TRAPPC3L: variants seen among roughly 807,000 people sequenced by gnomAD.
TRAPPC3L encodes trafficking protein particle complex subunit 3L, also known as trafficking protein particle complex subunit 3-like protein.
TRAPPC3L carries 23 observed loss-of-function variants against 23.7 expected under a neutral mutation model. The ratio of observed to expected loss-of-function variants is 0.97; its 90% confidence interval spans 0.70 to 1.37. TRAPPC3L has a LOEUF of 1.37. Ranked by LOEUF, TRAPPC3L falls within the 40% of genes most tolerant of loss-of-function variation. The pLI is 0.00. For missense variants in TRAPPC3L, 212 were observed against 216.8 expected, an observed-to-expected ratio of 0.98 and a Z score of 0.14; for synonymous variants, 81 against 77.9, an observed-to-expected ratio of 1.04 and a Z score of -0.21.
intron 3 of TRAPPC3L, among the ~76,000 whole-genome samples, chr6:116,509,165 C>CT (rs1772062823): frequency 6.8e-6 from 1 of 147,480 alleles, no homozygotes; most frequent in Non-Finnish European, 1.5e-5. Flanking sequence ...ATAAGGAGAA[C>CT]TATAAAATGC....
At chr6:116,499,271 G>A (rs1771877523) in intron 4 of TRAPPC3L, among the ~76,000 whole-genome samples, 1 of 152,014 alleles carries the variant, frequency 6.6e-6, no homozygotes, top group African/African-American at 2.4e-5. Flanking sequence ...TGTTCAAATG[G>A]TCTTCCTCTC....
chr6:116,531,827 G>GA (rs1388564372), intron 3 of TRAPPC3L, among the ~76,000 whole-genome samples: 3 of 149,466 alleles, frequency 2.0e-5, no homozygotes, highest in Non-Finnish European at 4.5e-5. Context: ...ATAAATAATG[G>GA]AAAAAACAAT....
At chr6:116,513,089 A>G (rs1229880010) in intron 3 of TRAPPC3L, among the ~76,000 whole-genome samples, 1 of 152,208 alleles carries the variant, frequency 6.6e-6, no homozygotes, top group Non-Finnish European at 1.5e-5. Flanking sequence ...TCCCAAAAGC[A>G]AAACAAGTGG....
chr6:116,529,982 GA>G (rs1278970693), intron 3 of TRAPPC3L, among the ~76,000 whole-genome samples: 1 of 151,674 alleles, frequency 6.6e-6, no homozygotes, highest in Admixed American at 6.6e-5. Flanking sequence ...CAGAGGACAG[GA>G]AAAAAAATGC....
At chr6:116,517,415 A>G (rs1406981589) in intron 3 of TRAPPC3L, 1 of 152,210 alleles carries the variant, frequency 6.6e-6, no homozygotes, top group Non-Finnish European at 1.5e-5. Context: ...ATATATGTAC[A>G]TAAATTCTCC....
rs1355137850 is a variant in TRAPPC3L, at chr6:116,496,657, G to A, written c.*297C>T. On this transcript the variant is annotated 3_prime_UTR_variant, in exon 5 of 5. Transcript: ENST00000368602. ...GCTTTTTTTTCCCATTACCATACGT[G>A]AATGGAATGAACAGCTTCTCTGAGG... 3 of 258,980 alleles carry A rather than the reference G, an allele frequency of 1.2e-5. No homozygotes were observed. The highest frequency in any genetic ancestry group is 1.2e-3 in the Middle Eastern group (1 of 858). 16.0% of individuals were successfully genotyped at this position (258,980 alleles called of 1,614,324 possible). A position where few individuals can be genotyped will look rare whatever the true frequency, so the allele number is the denominator to read the frequency against.
Position 116,543,329 on chromosome 6 carries a change from T to G in TRAPPC3L, c.114A>C (p.Glu38Asp). ...AQLCKDYEKD[E>D]DVNQYLDKMG... Reference sequence around the variant, plus strand: ...TTTTATCTAAATATTGGTTCACATCTTCATCCTTCTCATAATCCTTACACA... The same window carrying G: ...TTTTATCTAAATATTGGTTCACATCGTCATCCTTCTCATAATCCTTACACA... Residue 38 changes from glutamate to aspartate, a missense_variant, in exon 2 of 5, where the codon GAA becomes GAC. Physicochemically the swap from Glu to Asp is conservative, Grantham distance 45. Coordinates refer to ENST00000368602, the MANE Select transcript of TRAPPC3L (RefSeq NM_001139444.3). The G allele has an allele frequency of 6.5e-7, 1 of 1,549,598 alleles. No individual in the cohort carries two copies.
intron 3 of TRAPPC3L, chr6:116,512,320 G>T: frequency 7.2e-7 from 1 of 1,393,316 alleles, no homozygotes; most frequent in Non-Finnish European, 9.7e-7. Flanking sequence ...GGCTGTCTGT[G>T]TCCTGTCAGA....
chr6:116,537,984 C>T (rs567634222), intron 3 of TRAPPC3L, among the ~76,000 whole-genome samples: 68 of 152,258 alleles, frequency 4.5e-4, no homozygotes, highest in African/African-American at 1.6e-3. Context: ...CCACAGGTAA[C>T]AAGAAAGTTT....
intron 3 of TRAPPC3L, among the ~76,000 whole-genome samples, chr6:116,507,772 G>A (rs374756068): frequency 1.3e-5 from 2 of 151,314 alleles, no homozygotes; most frequent in East Asian, 2.0e-4. Context: ...GGTGGGAGGC[G>A]CATAAATGAA....
intron 4 of TRAPPC3L, among the ~76,000 whole-genome samples, chr6:116,497,750 T>C (rs896538956): frequency 2.0e-5 from 3 of 152,188 alleles, no homozygotes; most frequent in Non-Finnish European, 4.4e-5. Context: ...ATTGCTGACC[T>C]ACCCCCAATA....
chr6:116,504,203 C>T (rs1005212077), intron 3 of TRAPPC3L, among the ~76,000 whole-genome samples: 7 of 152,130 alleles, frequency 4.6e-5, no homozygotes, highest in Admixed American at 3.9e-4. Context: ...GGGGATATCA[C>T]CACCAATCCC....
chr6:116,500,802 C>T (rs1771900029), intron 3 of TRAPPC3L, 136 bp from the exon 4 acceptor site: 1 of 747,700 alleles, frequency 1.3e-6, no homozygotes, highest in Non-Finnish European at 2.2e-6. Flanking sequence ...AGTCCGGCTT[C>T]ACCCTTAGCT....
chr6:116,495,112 T>C lies in TRAPPC3L; in HGVS notation c.*1842A>G, dbSNP rs1370261385. ...GCCACCATGCCCGACCCAGATCTTA[T>C]TCATTCTATCTAACTATATTTTTGT... On this transcript the variant is annotated 3_prime_UTR_variant, in exon 5 of 5. Transcript: ENST00000368602. The C allele has an allele frequency of 2.0e-5, 3 of 149,808 alleles. No homozygotes were observed. The highest frequency in any genetic ancestry group is 7.4e-5 in the African/African-American group (3 of 40,568). The allele number at this position is 149,808 out of a possible 1,614,324, so 9.3% of individuals were successfully genotyped here.
intron 2 of TRAPPC3L, among the ~76,000 whole-genome samples, chr6:116,541,185 G>A (rs952116702): frequency 1.3e-5 from 2 of 151,978 alleles, no homozygotes; most frequent in Non-Finnish European, 2.9e-5. Context: ...ATGTAGCTAA[G>A]TTGGCTGAGC....
At chr6:116,520,746 G>C (rs566879788) in intron 3 of TRAPPC3L, 2 of 152,504 alleles carry the variant, frequency 1.3e-5, no homozygotes, top group Admixed American at 1.3e-4. Context: ...GTGAGGGGCT[G>C]TGAGGTTGAA....
At chr6:116,530,396 C>T (rs1307068122) in intron 3 of TRAPPC3L, among the ~76,000 whole-genome samples, 1 of 152,040 alleles carries the variant, frequency 6.6e-6, no homozygotes, top group East Asian at 1.9e-4. Context: ...AGAGAAAGGA[C>T]TGAAAAAGAC....
At chr6:116,535,670 T>C (rs745489817) in intron 3 of TRAPPC3L, among the ~76,000 whole-genome samples, 19 of 152,362 alleles carry the variant, frequency 1.2e-4, no homozygotes, top group Non-Finnish European at 2.1e-4. Flanking sequence ...AGTTGAATTA[T>C]CTAATATTTC....
At chr6:116,536,495 C>T (rs1344993637) in intron 3 of TRAPPC3L, among the ~76,000 whole-genome samples, 1 of 152,172 alleles carries the variant, frequency 6.6e-6, no homozygotes, top group Non-Finnish European at 1.5e-5. Context: ...GTGCTGAGTG[C>T]AGTGTAAGTT....
Sources: allele counts gnomAD v4.1 joint callset (sites outside exome capture counted in the v4.1 genomes callset), GRCh38; gene constraint gnomAD v4.1.1; transcripts MANE v1.5; gene names NCBI Gene and HGNC (gene_info 2026-07-23, HGNC 2026-07-21).